The following GIPC2 variants were observed in gnomAD, a reference collection of about 807,000 sequenced individuals.
GIPC2 encodes PDZ domain-containing protein GIPC2.
A neutral mutation model predicts 30.6 loss-of-function variants in GIPC2; 30 were observed. That is an observed-to-expected ratio of 0.98 (90% CI 0.73 to 1.33). GIPC2 has a LOEUF of 1.33. Ranked by LOEUF, GIPC2 falls within the 40% of genes most tolerant of loss-of-function variation. The pLI, the probability that GIPC2 is intolerant of heterozygous loss-of-function variation, is 0.00. For synonymous variants in GIPC2, 167 were observed against 150.0 expected, an observed-to-expected ratio of 1.11 and a Z score of -0.83; for missense variants, 414 against 390.3, an observed-to-expected ratio of 1.06 and a Z score of -0.51.
Position 78,094,986 on chromosome 1 carries a change from A to T in GIPC2, c.461A>T (p.Lys154Ile), listed in dbSNP as rs1326964212. 6.2e-7 allele frequency: 1 copy of T among 1,605,448 alleles called. No homozygotes were observed. The highest frequency in any genetic ancestry group is 1.3e-5 in the African/African-American group (1 of 74,870). Residue 154 changes from lysine (K) to isoleucine (I), a missense_variant, in exon 3 of 6, where the codon AAA (lysine) becomes ATA (isoleucine). Lys to Ile is a moderately radical substitution (Grantham distance 102). Coordinates refer to ENST00000370759, the MANE Select transcript of GIPC2 (RefSeq NM_017655.6). ...IKDGGVIDSVKTICVGDHIES... is the reference protein window; with the variant it reads ...IKDGGVIDSVITICVGDHIES... The stretch of plus-strand genomic sequence containing the variant: ...GATGGTGGTGTTATTGACTCAGTTA[A>T]AACAATCTGTGTTGGGGATCATATT...
intron 2 of GIPC2, among the ~76,000 whole-genome samples, chr1:78,090,759 C>T (rs989033361): frequency 5.3e-5 from 8 of 151,906 alleles, no homozygotes; most frequent in Non-Finnish European, 8.8e-5. Flanking sequence ...GTTCATTTGC[C>T]CAAACTAAGA....
chr1:78,078,210 A>C (rs987010028), intron 1 of GIPC2, among the ~76,000 whole-genome samples: 3 of 150,328 alleles, frequency 2.0e-5, no homozygotes, highest in Non-Finnish European at 4.4e-5. Context: ...AAAAAAAAAA[A>C]CCTAGTGTAT....
intron 5 of GIPC2, among the ~76,000 whole-genome samples, chr1:78,134,379 T>C (rs1364370908): frequency 6.6e-6 from 1 of 151,958 alleles, no homozygotes; most frequent in Non-Finnish European, 1.5e-5. Context: ...TGTGTGTGTG[T>C]ATGTATGTGA....
At chr1:78,116,471 C>T (rs1314268348) in intron 3 of GIPC2, among the ~76,000 whole-genome samples, 1 of 152,146 alleles carries the variant, frequency 6.6e-6, no homozygotes, top group African/African-American at 2.4e-5. Flanking sequence ...TCGTCATTTA[C>T]ATTAGGTATA....
intron 5 of GIPC2, among the ~76,000 whole-genome samples, chr1:78,129,462 A>G (rs182392402): frequency 3.3e-5 from 5 of 152,368 alleles, no homozygotes; most frequent in Admixed American, 3.3e-4. Context: ...GTAAGTATAT[A>G]TCTTAAAAAT....
At chr1:78,097,766 A>G (rs559299760) in intron 3 of GIPC2, among the ~76,000 whole-genome samples, 8 of 152,334 alleles carry the variant, frequency 5.3e-5, no homozygotes, top group Non-Finnish European at 7.4e-5. Context: ...TTGAGCCTTG[A>G]CAAGGTCAGG....
intron 2 of GIPC2, among the ~76,000 whole-genome samples, chr1:78,088,744 T>C (rs1269351782): frequency 1.3e-5 from 2 of 151,674 alleles, no homozygotes; most frequent in African/African-American, 4.8e-5. Context: ...CTCATGAGGC[T>C]GAGGTGGGAG....
chr1:78,112,619 GTCCT>G, intron 3 of GIPC2: 1 of 495,594 alleles, frequency 2.0e-6, no homozygotes, highest in South Asian at 1.4e-5. Flanking sequence ...CCACTGCTTG[GTCCT>G]TCCGTCAGTT....
chr1:78,111,596 A>G (rs900476957), intron 3 of GIPC2, among the ~76,000 whole-genome samples: 2 of 152,170 alleles, frequency 1.3e-5, no homozygotes, highest in African/African-American at 4.8e-5. Flanking sequence ...TTTAGAGAGA[A>G]AATCTATATA....
chr1:78,077,964 G>A (rs1002029570), intron 1 of GIPC2, among the ~76,000 whole-genome samples: 77 of 151,834 alleles, frequency 5.1e-4, no homozygotes, highest in Non-Finnish European at 6.3e-4. Flanking sequence ...CGAGGCGGGC[G>A]GATCACGAGG....
chr1:78,123,177 T>G (rs1471319900), intron 4 of GIPC2, among the ~76,000 whole-genome samples: 3 of 150,372 alleles, frequency 2.0e-5, no homozygotes, highest in Non-Finnish European at 4.4e-5. Flanking sequence ...GGAGAATCAC[T>G]TGAGCCCAGG....
chr1:78,107,008 TCTTTC>T (rs1433383961), intron 3 of GIPC2, among the ~76,000 whole-genome samples: 2 of 152,066 alleles, frequency 1.3e-5, no homozygotes, highest in Non-Finnish European at 2.9e-5. Context: ...CTTTTCTTTC[TCTTTC>T]CTTTTAATTT....
chr1:78,052,834 A>G (rs1459755703), intron 1 of GIPC2, among the ~76,000 whole-genome samples: 2 of 152,164 alleles, frequency 1.3e-5, no homozygotes, highest in Admixed American at 1.3e-4. Context: ...ACTTGCTGAC[A>G]CTAGCACTGA....
Position 78,138,348 on chromosome 1 carries a change from A to G in GIPC2, c.*2605A>G, listed in dbSNP as rs1663043759. ...TGGAGCTGCTACATCCAATATTGTG[A>G]CTGAAAATTAACTAAAGAGAGATAA... is the stretch of plus-strand genomic sequence containing the variant. On this transcript the variant is annotated 3_prime_UTR_variant, in exon 6 of 6. Transcript: ENST00000370759. The G allele has an allele frequency of 6.6e-6, 1 of 152,246 alleles. No individual in the cohort carries two copies. Among genetic ancestry groups the G allele is most frequent in the Non-Finnish European group, 1.5e-5 (1 of 68,048 alleles). 9.4% of individuals were successfully genotyped at this position (152,246 alleles called of 1,614,324 possible).
chr1:78,131,536 A>T (rs1471824657), intron 5 of GIPC2, among the ~76,000 whole-genome samples: 1 of 152,210 alleles, frequency 6.6e-6, no homozygotes, highest in Non-Finnish European at 1.5e-5. Flanking sequence ...ATTGCAGTAT[A>T]TTGTAATTTT....
chr1:78,078,080 TG>T (rs1262565107), intron 1 of GIPC2, among the ~76,000 whole-genome samples: 10 of 147,008 alleles, frequency 6.8e-5, no homozygotes. Flanking sequence ...CCCAGCTACT[TG>T]GGAGGCTGAG....
rs917176427 is a variant in GIPC2 at position 78,125,893 on chromosome 1, A to G, written c.727A>G (p.Lys243Glu). 2 of 1,575,432 alleles carry G rather than the reference A, an allele frequency of 1.3e-6. No homozygotes were observed. The highest frequency in any genetic ancestry group is 1.7e-6 in the Non-Finnish European group (2 of 1,145,078). ...ATVEEMPSET[K>E]AKAIEKIDDV... ...TTTTTTGATAAAGCCTTCTGAAACC[A>G]AAGCAAAGGCAATTGAAAAGATTGA... The change falls in exon 5 of 6, where the codon AAA (lysine) becomes GAA (glutamate). Residue 243 changes from lysine to glutamate, a missense_variant. Coordinates refer to ENST00000370759, the MANE Select transcript of GIPC2 (RefSeq NM_017655.6).
intron 2 of GIPC2, among the ~76,000 whole-genome samples, chr1:78,083,907 TC>T (rs1282014201): frequency 6.6e-6 from 1 of 152,232 alleles, no homozygotes; most frequent in African/African-American, 2.4e-5. Flanking sequence ...TATCTCCTTT[TC>T]CCCTGACCTA....
intron 2 of GIPC2, among the ~76,000 whole-genome samples, chr1:78,082,765 G>A (rs1661855321): frequency 6.6e-6 from 1 of 152,162 alleles, no homozygotes; most frequent in Non-Finnish European, 1.5e-5. Context: ...ACTTAGAAGA[G>A]AGATGCACAT....
Sources: gnomAD v4.1 joint callset for allele counts (sites outside exome capture counted in the v4.1 genomes callset) on GRCh38, gnomAD v4.1.1 for gene constraint, MANE v1.5 for transcripts, NCBI Gene and HGNC (gene_info 2026-07-23, HGNC 2026-07-21) for gene names.